Variants in HDAC9 observed in about 807,000 individuals in gnomAD.
The protein encoded by HDAC9 is histone deacetylase 9.
In HDAC9, 41 loss-of-function variants were observed where a neutral mutation model predicts 139.4. The observed-to-expected ratio is 0.29, with a 90% CI of 0.23 to 0.38. The LOEUF (loss-of-function observed/expected upper bound fraction) is 0.38, where lower values mean the gene tolerates loss of function less well. HDAC9 is among the 10% of genes least tolerant of loss of function. The pLI is 1.00. For missense variants in HDAC9, 1,147 were observed against 1,297.0 expected (o/e 0.88, Z 1.78); for synonymous variants, 517 against 476.2 (o/e 1.09, Z -1.12).
At position 18,376,585 on chromosome 7, in the gene HDAC9, A is replaced by C. The variant is rs568204186; in HGVS notation, c.-42+86070A>C. On this transcript the variant is annotated intron_variant, in intron 1 of 3. Coordinates refer to the HDAC9 transcript ENST00000413509. ...CTGGCAGTCATGAAATAATTCTTAC[A>C]CCATATTGATGCAGACTTCTGGTTA... is the stretch of plus-strand genomic sequence containing the variant. 2.0e-5 allele frequency among the ~76,000 whole-genome samples: 3 copies of C among 152,262 alleles called. No homozygotes were observed. In the East Asian group the frequency reaches 5.8e-4, roughly 29 times the overall value.
intron 16 of HDAC9, among the ~76,000 whole-genome samples, chr7:18,775,844 G>A (rs181104283): frequency 5.9e-5 from 9 of 152,154 alleles, no homozygotes; most frequent in Non-Finnish European, 1.2e-4. Context: ...TCCATACTCA[G>A]TTGAACCAGA....
rs569156477 is a variant in HDAC9 at position 18,510,825 on chromosome 7, A to G, written c.22+14501A>G. Reference sequence around the variant, plus strand: ...ACAACTCTTCTAAGAGAAGAATGAGAAAATTATCTTTATGTGTATGTGGGA... The same window carrying G: ...ACAACTCTTCTAAGAGAAGAATGAGGAAATTATCTTTATGTGTATGTGGGA... On this transcript the variant is annotated intron_variant, in intron 2 of 25. Coordinates refer to ENST00000686413, the MANE Select transcript of HDAC9 (RefSeq NM_178425.4). Among the ~76,000 whole-genome samples, 49 of 152,322 alleles carry G rather than the reference A, an allele frequency of 3.2e-4. 1 individual carries two copies. The highest frequency in any genetic ancestry group is 6.0e-4 in the Non-Finnish European group (41 of 68,010).
At chr7:18,196,672 A>G (rs551576968) in intron 2 of HDAC9, among the ~76,000 whole-genome samples, 27 of 152,270 alleles carry the variant, frequency 1.8e-4, no homozygotes, top group African/African-American at 6.5e-4. Flanking sequence ...TAAGGAGTAG[A>G]ACAGGGATGG....
At chr7:18,958,428 G>C (rs139422122) in intron 24 of HDAC9, among the ~76,000 whole-genome samples, 1 of 152,212 alleles carries the variant, frequency 6.6e-6, no homozygotes, top group East Asian at 1.9e-4. Context: ...TGTACTTTGT[G>C]GCACTATTCA....
rs370402564 is a variant in HDAC9, at chr7:18,299,075, A to T, written c.-42+8560A>T. On this transcript the variant is annotated intron_variant, in intron 1 of 3. Transcript: ENST00000413509. ...ATAATAAAAATTCAGTTTATTGTTG[A>T]AAAATGAATTAAGATGACAGTAAAT... Among the ~76,000 whole-genome samples, 56 of 152,300 alleles carry T rather than the reference A, an allele frequency of 3.7e-4. 1 individual carries two copies. The East Asian group carries it at 9.8e-3, about 27-fold the overall frequency.
chr7:18,924,626 C>T (rs984471971), intron 22 of HDAC9, among the ~76,000 whole-genome samples: 2 of 152,038 alleles, frequency 1.3e-5, no homozygotes, highest in African/African-American at 4.8e-5. Flanking sequence ...TACCATTTAA[C>T]AAATCTGTGT....
At chr7:18,756,798 T>C (rs757409644) in intron 14 of HDAC9, among the ~76,000 whole-genome samples, 3 of 152,080 alleles carry the variant, frequency 2.0e-5, no homozygotes, top group South Asian at 2.1e-4. Context: ...TTTTTTTCCA[T>C]GTGACCCACA....
intron 1 of HDAC9, among the ~76,000 whole-genome samples, chr7:18,411,330 T>C (rs1230286302): frequency 6.6e-6 from 1 of 152,216 alleles, no homozygotes; most frequent in African/African-American, 2.4e-5. Context: ...AATCATTCTG[T>C]GTTTCATTTT....
chr7:18,860,088 G>A (rs2129232699), intron 21 of HDAC9, among the ~76,000 whole-genome samples: 1 of 151,770 alleles, frequency 6.6e-6, no homozygotes, highest in Non-Finnish European at 1.5e-5. Flanking sequence ...ACCGAAAGGA[G>A]AGAAATCCCT....
At chr7:18,345,178 TG>T (rs1305700594) in intron 1 of HDAC9, among the ~76,000 whole-genome samples, 1 of 152,044 alleles carries the variant, frequency 6.6e-6, no homozygotes, top group East Asian at 1.9e-4. Context: ...GGTAATTCTA[TG>T]ACCTGAAAGG....
At chr7:18,416,350 A>C (rs1374825873) in intron 1 of HDAC9, among the ~76,000 whole-genome samples, 3 of 152,142 alleles carry the variant, frequency 2.0e-5, no homozygotes, top group Non-Finnish European at 4.4e-5. Flanking sequence ...ATGTTCATGA[A>C]GGAGATTACT....
In HDAC9 at chr7:18,963,023, T is replaced by C. The variant is rs140975844; in HGVS notation, c.3022+8793T>C. Among the ~76,000 whole-genome samples the C allele has an allele frequency of 4.6e-3, 698 of 150,648 alleles. 8 individuals are homozygous for C. Among genetic ancestry groups the C allele is most frequent in the African/African-American group, 0.016 (674 of 41,350 alleles). ...CACTCCATTTCAAAAATGAGAACAATGTTCTACCAGATTGCCTCTTCCCAA... is the reference window on the plus strand; with the variant it reads ...CACTCCATTTCAAAAATGAGAACAACGTTCTACCAGATTGCCTCTTCCCAA... On this transcript the variant is annotated intron_variant, in intron 24 of 25. Transcript: ENST00000686413.
At position 18,566,444 on chromosome 7, in the gene HDAC9, A is replaced by G. The variant is rs1475202460; in HGVS notation, c.23-18837A>G. On this transcript the variant is annotated intron_variant, in intron 2 of 25. Transcript: ENST00000686413. ...GTTATTGATTTACCCAAAGAAGTCA[A>G]TGAAGGCCAACAGCAGTTGCCTTTT... Among the ~76,000 whole-genome samples the G allele has an allele frequency of 3.3e-5, 5 of 152,208 alleles. No individual in the cohort carries two copies. In the East Asian group the frequency reaches 9.6e-4, roughly 29 times the overall value.
intron 21 of HDAC9, among the ~76,000 whole-genome samples, chr7:18,842,670 A>G (rs1030275340): frequency 6.6e-6 from 1 of 152,104 alleles, no homozygotes; most frequent in African/African-American, 2.4e-5. Flanking sequence ...AAAAATAAAT[A>G]TAGTTTAAGG....
intron 17 of HDAC9, among the ~76,000 whole-genome samples, chr7:18,804,563 A>G (rs1411570767): frequency 6.6e-6 from 1 of 152,226 alleles, no homozygotes; most frequent in African/African-American, 2.4e-5. Context: ...TTAAAATGTT[A>G]TATTGCTGTC....
intron 12 of HDAC9, among the ~76,000 whole-genome samples, chr7:18,683,103 A>G (rs993193466): frequency 1.3e-5 from 2 of 151,224 alleles, no homozygotes; most frequent in African/African-American, 4.9e-5. Context: ...TGAAATTCTG[A>G]ACTTTTCTTT....
Position 18,236,782 on chromosome 7 carries a change from C to G in HDAC9, c.25+74433C>G, listed in dbSNP as rs1043080436. On this transcript the variant is annotated intron_variant, in intron 2 of 12. Coordinates refer to the HDAC9 transcript ENST00000417496. ...GCGACAAAGCTTTTGAAATGGCATG[C>G]TGTGGCAAAATATGATCCACGTGAG... 2.0e-5 allele frequency among the ~76,000 whole-genome samples: 3 copies of G among 152,230 alleles called. No homozygotes were observed. The East Asian group carries it at 5.8e-4, about 29-fold the overall frequency.
chr7:18,560,248 C>T (rs887852000), intron 2 of HDAC9, among the ~76,000 whole-genome samples: 3 of 152,270 alleles, frequency 2.0e-5, no homozygotes, highest in Admixed American at 2.0e-4. Context: ...TGGGCTCACT[C>T]CTGCTATTCT....
chr7:18,177,183 A>G (rs532147159), intron 2 of HDAC9, among the ~76,000 whole-genome samples: 1 of 152,180 alleles, frequency 6.6e-6, no homozygotes, highest in Admixed American at 6.5e-5. Context: ...TAAGTAAGTT[A>G]TGGAAAATAA....
Sources: gnomAD v4.1 joint callset for allele counts (sites outside exome capture counted in the v4.1 genomes callset) on GRCh38, gnomAD v4.1.1 for gene constraint, MANE v1.5 for transcripts, NCBI Gene and HGNC (gene_info 2026-07-23, HGNC 2026-07-21) for gene names.